TBC1D19: variants seen among roughly 807,000 people sequenced by gnomAD.
The protein encoded by TBC1D19 is TBC1 domain family member 19.
TBC1D19 carries 60 observed loss-of-function variants against 89.0 expected under a neutral mutation model. That is an observed-to-expected ratio of 0.67 (90% CI 0.55 to 0.84). TBC1D19 has a LOEUF of 0.84. TBC1D19 is among the 40% of genes least tolerant of loss of function. The pLI is 0.00. For missense variants in TBC1D19, 500 were observed against 610.8 expected, an observed-to-expected ratio of 0.82 and a Z score of 1.91; for synonymous variants, 189 against 199.7, an observed-to-expected ratio of 0.95 and a Z score of 0.45.
chr4:26,806,681 G>A, the TBC1D19 span, among the ~76,000 whole-genome samples: 2 of 152,208 alleles, frequency 1.3e-5, no homozygotes, highest in Non-Finnish European at 2.9e-5. Flanking sequence ...TTTGGAAATA[G>A]AGTCTTTGCA....
At chr4:26,617,089 C>G (rs190497865) in intron 3 of TBC1D19, among the ~76,000 whole-genome samples, 206 of 152,290 alleles carry the variant, frequency 1.4e-3, no homozygotes, top group African/African-American at 4.4e-3. Context: ...TTATAATGGA[C>G]AGAAATTTAT....
At chr4:26,766,556 AAG>A in the TBC1D19 span, among the ~76,000 whole-genome samples, 2 of 152,160 alleles carry the variant, frequency 1.3e-5, no homozygotes, top group Admixed American at 6.5e-5. Context: ...AGGTAGTTGA[AAG>A]AGGAGGGGAG....
chr4:26,765,592 T>C, the TBC1D19 span, among the ~76,000 whole-genome samples: 1 of 152,124 alleles, frequency 6.6e-6, no homozygotes, highest in Non-Finnish European at 1.5e-5. Flanking sequence ...CGGGGATGTG[T>C]AGGTGAACCG....
intron 15 of TBC1D19, among the ~76,000 whole-genome samples, chr4:26,726,313 A>G (rs1037482217): frequency 6.6e-6 from 1 of 152,212 alleles, no homozygotes; most frequent in African/African-American, 2.4e-5. Context: ...AAGAAAAATA[A>G]TCAAAGTACA....
intron 13 of TBC1D19, among the ~76,000 whole-genome samples, chr4:26,716,628 A>T (rs1322216138): frequency 6.6e-6 from 1 of 152,122 alleles, no homozygotes; most frequent in East Asian, 1.9e-4. Context: ...AAAAATGTGT[A>T]AGAAATATTT....
At position 26,690,876 on chromosome 4, in the gene TBC1D19, A is replaced by C. The variant is rs142134924; in HGVS notation, c.954+2469A>C. On this transcript the variant is annotated intron_variant, in intron 13 of 20. Coordinates refer to ENST00000264866, the MANE Select transcript of TBC1D19 (RefSeq NM_018317.4). Reference sequence around the variant, plus strand: ...TCATTTTGACTTTCAATCTTATTTAAGAAATACATTTTGTAAGGCTATATA... The same window carrying C: ...TCATTTTGACTTTCAATCTTATTTACGAAATACATTTTGTAAGGCTATATA... 1.4e-3 allele frequency among the ~76,000 whole-genome samples: 207 copies of C among 152,352 alleles called. 5 individuals carry two copies. The East Asian group carries it at 0.034, about 25-fold the overall frequency.
chr4:26,614,802 C>G (rs973525916), intron 3 of TBC1D19, among the ~76,000 whole-genome samples: 1 of 152,014 alleles, frequency 6.6e-6, no homozygotes, highest in African/African-American at 2.4e-5. Context: ...CTCAGGCTCC[C>G]AAGTTGCTGG....
chr4:26,628,818 C>G (rs1303374854), intron 4 of TBC1D19, among the ~76,000 whole-genome samples: 1 of 151,840 alleles, frequency 6.6e-6, no homozygotes, highest in Non-Finnish European at 1.5e-5. Context: ...TGAAGGACCT[C>G]TTCAAGGAGA....
intron 19 of TBC1D19, among the ~76,000 whole-genome samples, chr4:26,750,609 A>G (rs528124734): frequency 7.2e-5 from 11 of 152,260 alleles, no homozygotes; most frequent in African/African-American, 1.9e-4. Context: ...GCACTCTTCT[A>G]TGAGCTCAAT....
At chr4:26,664,251 T>G (rs1219428012) in intron 8 of TBC1D19, among the ~76,000 whole-genome samples, 1 of 152,178 alleles carries the variant, frequency 6.6e-6, no homozygotes, top group Non-Finnish European at 1.5e-5. Flanking sequence ...CAAGGGAGGC[T>G]TCTCTGAAGA....
At chr4:26,624,870 C>T (rs566118412) in intron 4 of TBC1D19, among the ~76,000 whole-genome samples, 8 of 152,016 alleles carry the variant, frequency 5.3e-5, no homozygotes, top group Admixed American at 3.9e-4. Context: ...GTGTGACTAG[C>T]GGGAAGTGAC....
chr4:26,629,177 A>G (rs1245472471), intron 4 of TBC1D19, among the ~76,000 whole-genome samples: 4 of 151,882 alleles, frequency 2.6e-5, no homozygotes, highest in Non-Finnish European at 5.9e-5. Flanking sequence ...CTCTCATCCC[A>G]TATGTTTCTG....
intron 1 of TBC1D19, among the ~76,000 whole-genome samples, chr4:26,605,734 A>G (rs1001514464): frequency 1.3e-5 from 2 of 152,112 alleles, no homozygotes; most frequent in Non-Finnish European, 2.9e-5. Context: ...TGACTTTTTA[A>G]TGATCGCCAT....
intron 10 of TBC1D19, among the ~76,000 whole-genome samples, chr4:26,673,446 T>TATATATACACACAC (rs373807642): frequency 0.016 from 1,473 of 90,814 alleles, 26 homozygotes; most frequent in East Asian, 0.02. Context: ...TATATATATA[T>TATATATACACACAC]ACACACACAC....
intron 16 of TBC1D19, among the ~76,000 whole-genome samples, chr4:26,737,867 A>G (rs1718136756): frequency 6.7e-6 from 1 of 150,270 alleles, no homozygotes; most frequent in South Asian, 2.1e-4. Flanking sequence ...AAAGGAAACC[A>G]AAAGATAGTA....
chr4:26,842,788 C>G, the TBC1D19 span, among the ~76,000 whole-genome samples: 1 of 151,932 alleles, frequency 6.6e-6, no homozygotes, highest in African/African-American at 2.4e-5. Context: ...GGATTATAGG[C>G]GTGAGCCACA....
chr4:26,823,575 G>A, the TBC1D19 span, among the ~76,000 whole-genome samples: 56 of 152,292 alleles, frequency 3.7e-4, 1 homozygote, highest in Admixed American at 4.6e-4. Context: ...CCAGAGTTGC[G>A]GGGGCCTTTG....
chr4:26,756,973 T>G (rs781663069), downstream of TBC1D19, among the ~76,000 whole-genome samples: 7 of 151,858 alleles, frequency 4.6e-5, no homozygotes, highest in Non-Finnish European at 7.4e-5. Context: ...CTTGGCTGCT[T>G]GTTAAAACAC....
At chr4:26,697,227 A>C (rs1444931111) in intron 13 of TBC1D19, among the ~76,000 whole-genome samples, 1 of 152,168 alleles carries the variant, frequency 6.6e-6, no homozygotes, top group Non-Finnish European at 1.5e-5. Context: ...TACTATAAAC[A>C]CCTCTATGCA....
Sources: allele counts gnomAD v4.1 joint callset (sites outside exome capture counted in the v4.1 genomes callset), GRCh38; gene constraint gnomAD v4.1.1; transcripts MANE v1.5; gene names NCBI Gene and HGNC (gene_info 2026-07-23, HGNC 2026-07-21).